MYO9B: variants seen among roughly 807,000 people sequenced by gnomAD.
MYO9B encodes the protein unconventional myosin-IXb.
Under a neutral mutation model 229.5 loss-of-function variants are expected in MYO9B, and 71 were observed. That is an observed-to-expected ratio of 0.31 (90% confidence interval 0.26 to 0.38). The LOEUF (loss-of-function observed/expected upper bound fraction) is 0.38, where lower values mean the gene tolerates loss of function less well. MYO9B is among the 10% of genes least tolerant of loss of function. The probability of loss-of-function intolerance (pLI) is 1.00; values close to 1 mark genes in which losing one functional copy is unlikely to be tolerated. For missense variants in MYO9B, 2,255 were observed against 2,920.5 expected (o/e 0.77, Z 5.25); for synonymous variants, 1,185 against 1,235.8 (o/e 0.96, Z 0.86).
At chr19:17,094,062 G>A (rs1299488315) in intron 1 of MYO9B, among the ~76,000 whole-genome samples, 1 of 141,828 alleles carries the variant, frequency 7.1e-6, no homozygotes, top group Non-Finnish European at 1.5e-5. Flanking sequence ...TTAAGACGGA[G>A]TTTTGCTCTG....
At chr19:17,175,910 C>G (rs935925489) in intron 14 of MYO9B, among the ~76,000 whole-genome samples, 169 bp downstream of exon 14, 3 of 151,144 alleles carry the variant, frequency 2.0e-5, no homozygotes, top group Non-Finnish European at 4.4e-5. Flanking sequence ...TCGGCTCACC[C>G]CAACTTCCAC....
chr19:17,134,593 G>C (rs988348599), intron 2 of MYO9B, among the ~76,000 whole-genome samples: 1 of 151,398 alleles, frequency 6.6e-6, no homozygotes, highest in South Asian at 2.1e-4. Flanking sequence ...ATTTTACCAC[G>C]TTAACCAGGT....
intron 2 of MYO9B, among the ~76,000 whole-genome samples, chr19:17,128,104 T>C (rs1251610842): frequency 6.6e-6 from 1 of 151,996 alleles, no homozygotes; most frequent in Non-Finnish European, 1.5e-5. Context: ...TGGCTAGTCA[T>C]GGTGGCTCAA....
Position 17,101,786 on chromosome 19 carries a change from C to G in MYO9B, c.69C>G (p.Pro23=). Residue 23 remains proline (P), a synonymous_variant, in exon 2 of 40, where the codon CCC becomes CCG. Transcript: ENST00000682292. This position sits in a 1 kb window ranked among gnomAD's most constrained non-coding sequence, Gnocchi z 4.7. ...CGGCCTACCACCTGCACATCTACCC[C>G]CAGCTGTCCACCACCGAGAGCCAGG... ...EQAAYHLHIY[P]QLSTTESQAS... 1 of 1,598,252 alleles carries G rather than the reference C, an allele frequency of 6.3e-7. No individual in the cohort carries two copies. Among genetic ancestry groups the G allele is most frequent in the South Asian group, 1.1e-5 (1 of 89,998 alleles).
chr19:17,125,861 C>T (rs1367008128), intron 2 of MYO9B, among the ~76,000 whole-genome samples: 1 of 152,200 alleles, frequency 6.6e-6, no homozygotes, highest in Non-Finnish European at 1.5e-5. Flanking sequence ...GGAGAGCCTC[C>T]ACTTCCTCCT....
At position 17,211,929 on chromosome 19, in the gene MYO9B, G is replaced by GGCCCCCCCCCCCCCCCCCC; in HGVS notation, c.6093_6094insGCCCCCCCCCCCCCCCCCC (p.Pro2032AlafsTer174). ...CGCCTGCTCTCCCTTGCCCCGGCGC[G>GGCCCCCCCCCCCCCCCCCC]CCCACCCCGAGCCCCCTCCCCACCG... On this transcript the variant is annotated frameshift_variant, in exon 40 of 40. Coordinates refer to ENST00000682292, the MANE Select transcript of MYO9B (RefSeq NM_004145.4). LOFTEE classifies it low-confidence loss of function (END_TRUNC). 9.7e-6 allele frequency: 15 copies of GGCCCCCCCCCCCCCCCCCC among 1,552,352 alleles called. No homozygotes were observed. Among genetic ancestry groups the GGCCCCCCCCCCCCCCCCCC allele is most frequent in the East Asian group, 4.6e-5 (2 of 43,568 alleles).
intron 6 of MYO9B, among the ~76,000 whole-genome samples, 194 bp downstream of exon 6, chr19:17,154,609 C>T (rs1037523723): frequency 1.9e-4 from 29 of 152,104 alleles, no homozygotes; most frequent in Non-Finnish European, 3.2e-4. Flanking sequence ...GGTCATTAGG[C>T]GATGCCAATT....
chr19:17,178,156 C>T (rs2072811909), intron 14 of MYO9B, among the ~76,000 whole-genome samples: 9 of 152,228 alleles, frequency 5.9e-5, no homozygotes, highest in Admixed American at 5.9e-4. Flanking sequence ...ATAGAGGTGA[C>T]AGGCGACCCC....
intron 30 of MYO9B, among the ~76,000 whole-genome samples, chr19:17,203,650 C>T (rs1369235337): frequency 6.6e-6 from 1 of 151,682 alleles, no homozygotes; most frequent in Non-Finnish European, 1.5e-5. Flanking sequence ...CCAGCCCAGC[C>T]ACCAGGTCAG....
Position 17,212,520 on chromosome 19 carries a change from A to G in MYO9B, c.*210A>G. ...CCCCCTCGCACGCAGCCCCCAAATC[A>G]TGGACGCACCTGTGGGGAGCACCAC... On this transcript the variant is annotated 3_prime_UTR_variant, in exon 40 of 40. Coordinates refer to ENST00000682292, the MANE Select transcript of MYO9B (RefSeq NM_004145.4). The surrounding 1 kb of genome is among the most constrained non-coding windows in gnomAD (Gnocchi z 5.4). 1 of 517,978 alleles carries G rather than the reference A, an allele frequency of 1.9e-6. No homozygotes were observed. The highest frequency in any genetic ancestry group is 3.2e-5 in the South Asian group (1 of 30,896). 32.1% of individuals were successfully genotyped at this position (517,978 alleles called of 1,614,324 possible).
intron 14 of MYO9B, 99 bp downstream of exon 14, chr19:17,175,840 T>TC: frequency 3.1e-6 from 3 of 976,982 alleles, no homozygotes; most frequent in Non-Finnish European, 4.4e-6. Flanking sequence ...TTTTTTTTTT[T>TC]TTTTCTTTTG....
rs1156376471 is a variant in MYO9B at position 17,213,254 on chromosome 19, C to T, written c.*944C>T. 6.6e-6 allele frequency: 1 copy of T among 152,308 alleles called. No homozygotes were observed. The highest frequency in any genetic ancestry group is 2.4e-5 in the African/African-American group (1 of 41,460). 9.4% of individuals were successfully genotyped at this position (152,308 alleles called of 1,614,324 possible). On this transcript the variant is annotated 3_prime_UTR_variant, in exon 40 of 40. Coordinates refer to ENST00000682292, the MANE Select transcript of MYO9B (RefSeq NM_004145.4). Reference sequence around the variant, plus strand: ...GGCCACAAATCTGGGACAAGGGGCCCCCGCACAGCATGAAATAAAAAGTGC... The same window carrying T: ...GGCCACAAATCTGGGACAAGGGGCCTCCGCACAGCATGAAATAAAAAGTGC...
intron 11 of MYO9B, among the ~76,000 whole-genome samples, chr19:17,171,339 CCCT>C (rs1251519308): frequency 1.3e-5 from 2 of 152,074 alleles, no homozygotes. Context: ...CACAATCTCC[CCCT>C]CCCCGGAGCA....
At chr19:17,154,684 C>T (rs772989873) in intron 6 of MYO9B, among the ~76,000 whole-genome samples, 4 of 152,172 alleles carry the variant, frequency 2.6e-5, no homozygotes, top group Non-Finnish European at 4.4e-5. Flanking sequence ...AGCCAGGCTC[C>T]ACGTGGCTCA....
At chr19:17,159,563 G>C in intron 8 of MYO9B, 79 bp downstream of exon 8, 4 of 1,263,262 alleles carry the variant, frequency 3.2e-6, no homozygotes, top group Non-Finnish European at 4.5e-6. Context: ...AGCCGGCATG[G>C]GTGGGCTGTT....
chr19:17,206,887 C>A, intron 34 of MYO9B, 103 bp downstream of exon 34: 1 of 1,280,540 alleles, frequency 7.8e-7, no homozygotes, highest in Non-Finnish European at 1.1e-6. Context: ...GTGGTGGTTT[C>A]GAACCAGGAT....
chr19:17,175,124 T>G (rs2072771342), intron 13 of MYO9B, among the ~76,000 whole-genome samples: 1 of 151,486 alleles, frequency 6.6e-6, no homozygotes, highest in Non-Finnish European at 1.5e-5. Flanking sequence ...AAGTTGAAAC[T>G]TAGTCATGTG....
intron 2 of MYO9B, among the ~76,000 whole-genome samples, chr19:17,116,627 C>T (rs550087767): frequency 1.3e-5 from 2 of 152,190 alleles, no homozygotes; most frequent in African/African-American, 4.8e-5. Context: ...GGTGTTCCCC[C>T]CACAGAGCAC....
At chr19:17,183,485 C>G (rs754905239) in intron 15 of MYO9B, among the ~76,000 whole-genome samples, 1 of 152,182 alleles carries the variant, frequency 6.6e-6, no homozygotes, top group African/African-American at 2.4e-5. Context: ...TAGCAAGCCC[C>G]GCTGGATGCA....
Sources: gnomAD v4.1 joint callset for allele counts (sites outside exome capture counted in the v4.1 genomes callset) on GRCh38, gnomAD v4.1.1 for gene constraint, Gnocchi (gnomAD v3.1) non-coding constraint, MANE v1.5 for transcripts, NCBI Gene and HGNC (gene_info 2026-07-23, HGNC 2026-07-21) for gene names.